The following LUZP2 variants were observed in gnomAD, a reference collection of about 807,000 sequenced individuals.
LUZP2 encodes leucine zipper protein 2.
Under a neutral mutation model 51.6 loss-of-function variants are expected in LUZP2, and 52 were observed. The observed-to-expected ratio is 1.01, with a 90% confidence interval of 0.81 to 1.27. The LOEUF (loss-of-function observed/expected upper bound fraction) is 1.27. Ranked by LOEUF, LUZP2 falls within the 50% of genes most tolerant of loss-of-function variation. The pLI is 0.00. For missense variants in LUZP2, 436 were observed against 395.4 expected (o/e 1.10, Z -0.87); for synonymous variants, 154 against 137.3 (o/e 1.12, Z -0.85).
intron 1 of LUZP2, among the ~76,000 whole-genome samples, chr11:24,699,575 C>T (rs1857358308): frequency 6.6e-6 from 1 of 151,438 alleles, no homozygotes; most frequent in African/African-American, 2.4e-5. Flanking sequence ...TTTGGGGGGA[C>T]ATGGTAAGCC....
chr11:25,044,255 G>GTATATATATA lies in LUZP2; in HGVS notation c.766-5782_766-5781insATATATATAT, dbSNP rs1297961732. On this transcript the variant is annotated intron_variant, in intron 9 of 11. Transcript: ENST00000336930. ...TGTGTATGTGTGTGTGTGTGTGTGT[G>GTATATATATA]TGTATATATATATATATATATATAT... Among the ~76,000 whole-genome samples, 157 of 42,350 alleles carry GTATATATATA rather than the reference G, an allele frequency of 3.7e-3. 1 individual carries two copies. The highest frequency in any genetic ancestry group is 5.1e-3 in the Non-Finnish European group (126 of 24,498). The allele number at this position is 42,350 out of a possible 152,430, so 27.8% of individuals were successfully genotyped here.
chr11:24,721,482 T>C (rs1019115622), intron 1 of LUZP2, among the ~76,000 whole-genome samples: 3 of 152,196 alleles, frequency 2.0e-5, no homozygotes, highest in Non-Finnish European at 4.4e-5. Context: ...CACTGTAGAA[T>C]AGGTTTTTAA....
At chr11:24,571,484 C>T (rs1327262587) in intron 1 of LUZP2, among the ~76,000 whole-genome samples, 1 of 151,932 alleles carries the variant, frequency 6.6e-6, no homozygotes, top group African/African-American at 2.4e-5. Flanking sequence ...ACTCAAATGC[C>T]ATTTCCAAAT....
chr11:24,863,350 A>G (rs2134249427), intron 5 of LUZP2, among the ~76,000 whole-genome samples: 1 of 152,316 alleles, frequency 6.6e-6, no homozygotes, highest in South Asian at 2.1e-4. Context: ...GTTTGTCCAT[A>G]AAATGAAATA....
At chr11:24,787,980 G>A (rs1340405371) in intron 5 of LUZP2, among the ~76,000 whole-genome samples, 2 of 151,694 alleles carry the variant, frequency 1.3e-5, no homozygotes, top group Non-Finnish European at 2.9e-5. Flanking sequence ...ATTTCTTTGG[G>A]GCATTGTCCC....
At chr11:24,662,018 A>G (rs1483403454) in intron 1 of LUZP2, among the ~76,000 whole-genome samples, 1 of 152,120 alleles carries the variant, frequency 6.6e-6, no homozygotes, top group Non-Finnish European at 1.5e-5. Flanking sequence ...GATGCATTTG[A>G]TAGTAAAGTG....
intron 1 of LUZP2, among the ~76,000 whole-genome samples, chr11:24,642,297 C>T (rs2133947132): frequency 6.6e-6 from 1 of 151,814 alleles, no homozygotes; most frequent in African/African-American, 2.4e-5. Context: ...GTCCTGGGAT[C>T]TCCTGATTTT....
chr11:25,078,483 G>C, intron 11 of LUZP2, 71 bp from the exon 12 acceptor site: 5 of 1,187,782 alleles, frequency 4.2e-6, no homozygotes, highest in Non-Finnish European at 4.9e-6. Context: ...TATTCTTTTA[G>C]ACTTTTCAAT....
At chr11:24,799,738 T>C (rs1051005840) in intron 5 of LUZP2, among the ~76,000 whole-genome samples, 1 of 152,146 alleles carries the variant, frequency 6.6e-6, no homozygotes, top group African/African-American at 2.4e-5. Context: ...TAAATAATTA[T>C]AGCTATCTCC....
chr11:24,537,725 T>TA, intron 1 of LUZP2, among the ~76,000 whole-genome samples: 1 of 152,002 alleles, frequency 6.6e-6, no homozygotes, highest in African/African-American at 2.4e-5. Flanking sequence ...GTGAAAAGCC[T>TA]TTTACAATTT....
chr11:24,990,506 A>G (rs1416899894), intron 9 of LUZP2, among the ~76,000 whole-genome samples: 1 of 152,036 alleles, frequency 6.6e-6, no homozygotes, highest in Non-Finnish European at 1.5e-5. Context: ...AATATTTACT[A>G]TTTGTATATA....
At chr11:24,566,273 G>A (rs11822738) in intron 1 of LUZP2, among the ~76,000 whole-genome samples, 60,452 of 149,562 alleles carry the variant, frequency 0.4, 12,676 homozygotes, top group Middle Eastern at 0.49. Context: ...AATGACTAGC[G>A]ATAAAGATTA....
chr11:25,049,591 C>G (rs1396914363), intron 9 of LUZP2, among the ~76,000 whole-genome samples: 1 of 151,950 alleles, frequency 6.6e-6, no homozygotes, highest in Non-Finnish European at 1.5e-5. Flanking sequence ...ATATAATCCA[C>G]TATGTATATT....
At chr11:25,074,048 C>A (rs1482702428) in intron 10 of LUZP2, among the ~76,000 whole-genome samples, 1 of 152,138 alleles carries the variant, frequency 6.6e-6, no homozygotes, top group African/African-American at 2.4e-5. Context: ...CACTCCAAAG[C>A]ACTTTTAACC....
chr11:24,963,028 T>A (rs1433068361), intron 7 of LUZP2, among the ~76,000 whole-genome samples: 1 of 152,210 alleles, frequency 6.6e-6, no homozygotes, highest in Non-Finnish European at 1.5e-5. Flanking sequence ...AGAGGTCCAC[T>A]CCAGACCCTG....
At chr11:24,950,262 G>C (rs746108061) in intron 7 of LUZP2, among the ~76,000 whole-genome samples, 6 of 151,436 alleles carry the variant, frequency 4.0e-5, no homozygotes, top group East Asian at 3.9e-4. Context: ...AGAAATGCAA[G>C]AAAGAGGAAA....
Position 24,865,712 on chromosome 11 carries a change from A to G in LUZP2, c.397-40279A>G, listed in dbSNP as rs1267068176. ...GTGTGTATATGTTATATGTTTGTGT[A>G]TATATATATATATATGTGTGTGTGT... On this transcript the variant is annotated intron_variant, in intron 5 of 11. Transcript: ENST00000336930. Among the ~76,000 whole-genome samples the G allele has an allele frequency of 2.8e-4, 15 of 53,874 alleles. No homozygotes were observed. In the South Asian group the frequency reaches 6.4e-3, roughly 23 times the overall value. The allele number at this position is 53,874 out of a possible 152,430, so 35.3% of individuals were successfully genotyped here. A position where few individuals can be genotyped will look rare whatever the true frequency, so the allele number is the denominator to read the frequency against.
intron 5 of LUZP2, among the ~76,000 whole-genome samples, chr11:24,775,766 G>A (rs112775104): frequency 6.4e-4 from 98 of 152,222 alleles, no homozygotes; most frequent in African/African-American, 2.2e-3. Context: ...TTCTCTGAGA[G>A]AGAGATAGCT....
intron 5 of LUZP2, among the ~76,000 whole-genome samples, chr11:24,854,680 A>C (rs1034170651): frequency 6.6e-5 from 10 of 152,180 alleles, no homozygotes; most frequent in African/African-American, 2.4e-4. Context: ...AAAAAAAAAA[A>C]AAAAAACTCC....
Sources: allele counts gnomAD v4.1 joint callset (sites outside exome capture counted in the v4.1 genomes callset), GRCh38; gene constraint gnomAD v4.1.1; transcripts MANE v1.5; gene names NCBI Gene and HGNC (gene_info 2026-07-23, HGNC 2026-07-21).